Variants in RAD18 observed in about 807,000 individuals in gnomAD.
RAD18 encodes the protein E3 ubiquitin-protein ligase RAD18.
In RAD18, 47 loss-of-function variants were observed where a neutral mutation model predicts 60.4. The observed-to-expected ratio is 0.78, with a 90% CI of 0.62 to 0.99. The LOEUF (loss-of-function observed/expected upper bound fraction) is 0.99, where lower values mean the gene tolerates loss of function less well. Among genes scored for constraint, RAD18 ranks in the 50% least tolerant of loss-of-function variants. The pLI is 0.00. For synonymous variants in RAD18, 225 were observed against 195.5 expected (o/e 1.15, Z -1.26); for missense variants, 640 against 593.3 (o/e 1.08, Z -0.82).
intron 12 of RAD18, among the ~76,000 whole-genome samples, chr3:8,888,825 T>C (rs1240477750): frequency 6.6e-6 from 1 of 152,174 alleles, no homozygotes; most frequent in African/African-American, 2.4e-5. Context: ...ACTGAAATGA[T>C]AGGATTTGTT....
Position 8,879,981 on chromosome 3 carries a change from T to C in RAD18, c.*1376A>G, listed in dbSNP as rs893283447. On this transcript the variant is annotated 3_prime_UTR_variant, in exon 13 of 13. Transcript: ENST00000264926. ...CAACTCAGTGACATAAATATATCCA[T>C]GTGAGCTCCTATTTTGTTTGACATG... The C allele has an allele frequency of 2.6e-5, 4 of 152,248 alleles. No homozygotes were observed. Among genetic ancestry groups the C allele is most frequent in the African/African-American group, 9.6e-5 (4 of 41,470 alleles). 9.4% of individuals were successfully genotyped at this position (152,248 alleles called of 1,614,324 possible).
rs45531436 is a variant in RAD18 at position 8,919,968 on chromosome 3, T to C, written c.890-6248A>G. Among the ~76,000 whole-genome samples the C allele has an allele frequency of 9.8e-3, 1,495 of 152,304 alleles. 26 individuals carry two copies. Among genetic ancestry groups the C allele is most frequent in the African/African-American group, 0.033 (1,389 of 41,552 alleles). On this transcript the variant is annotated intron_variant, in intron 7 of 12. Coordinates refer to ENST00000264926, the MANE Select transcript of RAD18 (RefSeq NM_020165.4). ...TGAGTTAAAAATCTGTGAATCCATATTCATAAGAGACAAATAAGAAAATAA... is the reference window on the plus strand; with the variant it reads ...TGAGTTAAAAATCTGTGAATCCATACTCATAAGAGACAAATAAGAAAATAA...
chr3:8,957,342 T>C (rs1941030944), intron 2 of RAD18, among the ~76,000 whole-genome samples: 1 of 152,038 alleles, frequency 6.6e-6, no homozygotes, highest in Non-Finnish European at 1.5e-5. Flanking sequence ...TACATGGAAA[T>C]GCATTTAAAA....
At chr3:8,946,484 C>T (rs550517451) in intron 4 of RAD18, among the ~76,000 whole-genome samples, 10 of 152,328 alleles carry the variant, frequency 6.6e-5, no homozygotes, top group Admixed American at 4.6e-4. Context: ...TAAACCAGTA[C>T]GTCCTTCATA....
chr3:8,920,065 G>A lies in RAD18; in HGVS notation c.890-6345C>T, dbSNP rs150329970. ...TGGGAGGCCAAGGCAGACAGATCAC[G>A]AGGTCAGGAGATTGAGACCTTCCTG... On this transcript the variant is annotated intron_variant, in intron 7 of 12. Coordinates refer to ENST00000264926, the MANE Select transcript of RAD18 (RefSeq NM_020165.4). Among the ~76,000 whole-genome samples, 328 of 152,224 alleles carry A rather than the reference G, an allele frequency of 2.2e-3. 2 individuals carry two copies. Among genetic ancestry groups the A allele is most frequent in the African/African-American group, 6.3e-3 (263 of 41,550 alleles).
chr3:8,909,241 T>TA (rs1441711546), intron 9 of RAD18, among the ~76,000 whole-genome samples: 2 of 152,238 alleles, frequency 1.3e-5, no homozygotes, highest in East Asian at 3.9e-4. Context: ...CAGGTCCAGA[T>TA]ACAGGAAATA....
At chr3:8,928,172 C>T (rs971948035) in intron 7 of RAD18, among the ~76,000 whole-genome samples, 1 of 150,726 alleles carries the variant, frequency 6.6e-6, no homozygotes, top group African/African-American at 2.4e-5. Context: ...AGAACAATCA[C>T]CCCTACAAAA....
At chr3:8,956,882 T>TC (rs1347564461) in intron 2 of RAD18, among the ~76,000 whole-genome samples, 2 of 152,138 alleles carry the variant, frequency 1.3e-5, no homozygotes, top group Admixed American at 1.3e-4. Context: ...CTGAATGCTT[T>TC]CCCCAAAAAA....
Position 8,963,430 on chromosome 3 carries a change from G to A in RAD18, c.-45C>T, listed in dbSNP as rs1346150238. ...GGGGGTCAGCCACCCACTAGCCTCC[G>A]GCGCTCCAACACCACTCGAAATTCC... is the stretch of plus-strand genomic sequence containing the variant. On this transcript the variant is annotated 5_prime_UTR_variant, in exon 1 of 13. Coordinates refer to ENST00000264926, the MANE Select transcript of RAD18 (RefSeq NM_020165.4). 9 of 1,531,182 alleles carry A rather than the reference G, an allele frequency of 5.9e-6. No homozygotes were observed. The highest frequency in any genetic ancestry group is 2.4e-5 in the East Asian group (1 of 40,822). The allele number at this position is 1,531,182 out of a possible 1,614,324, so 94.8% of individuals were successfully genotyped here. A position where few individuals can be genotyped will look rare whatever the true frequency, so the allele number is the denominator to read the frequency against.
At chr3:8,883,507 T>C (rs183876455) in intron 12 of RAD18, among the ~76,000 whole-genome samples, 3 of 152,306 alleles carry the variant, frequency 2.0e-5, no homozygotes, top group Admixed American at 2.0e-4. Flanking sequence ...CTGGAACCAA[T>C]ATCATACAGA....
At position 8,913,685 on chromosome 3, in the gene RAD18, T is replaced by C. The variant is rs1299447497; in HGVS notation, c.925A>G (p.Lys309Glu). The change falls in exon 8 of 13, where the codon AAG becomes GAG. Residue 309 changes from lysine (K) to glutamate (E), a missense_variant. Physicochemically the swap from Lys to Glu is moderately conservative, Grantham distance 56 (BLOSUM62 1). Transcript: ENST00000264926. ...CTAGCTTCAAGACGCATCCTAGTCTTCTCTATATTTTCGATTTCTCGAACT... is the reference window on the plus strand; with the variant it reads ...CTAGCTTCAAGACGCATCCTAGTCTCCTCTATATTTTCGATTTCTCGAACT... ...EIVREIENIE[K>E]TRMRLEASKL... is the part of the protein sequence containing the mutation. 1.3e-6 allele frequency: 2 copies of C among 1,580,314 alleles called. No individual in the cohort carries two copies. The highest frequency in any genetic ancestry group is 4.5e-5 in the East Asian group (2 of 44,310).
chr3:8,960,146 A>C (rs1359569198), intron 1 of RAD18, among the ~76,000 whole-genome samples: 1 of 152,148 alleles, frequency 6.6e-6, no homozygotes, highest in Non-Finnish European at 1.5e-5. Context: ...ATGTCTATAA[A>C]AAATTTAAAA....
intron 7 of RAD18, among the ~76,000 whole-genome samples, chr3:8,930,567 A>T (rs1940535705): frequency 6.6e-6 from 1 of 152,214 alleles, no homozygotes; most frequent in Non-Finnish European, 1.5e-5. Flanking sequence ...TATTATATGA[A>T]TTATATTTCA....
At chr3:8,956,813 A>G (rs539239828) in intron 2 of RAD18, among the ~76,000 whole-genome samples, 118 of 151,940 alleles carry the variant, frequency 7.8e-4, no homozygotes, top group African/African-American at 2.8e-3. Flanking sequence ...TAGGTTTATG[A>G]AAACATATTA....
intron 9 of RAD18, among the ~76,000 whole-genome samples, chr3:8,906,371 C>A (rs1940001429): frequency 6.6e-6 from 1 of 152,052 alleles, no homozygotes; most frequent in Admixed American, 6.6e-5. Context: ...CAGCTATGAC[C>A]CTATTTTTTT....
intron 9 of RAD18, 28 bp downstream of exon 9, chr3:8,912,284 A>T: frequency 6.7e-7 from 1 of 1,485,050 alleles, no homozygotes; most frequent in Non-Finnish European, 9.1e-7. Flanking sequence ...GAAGCTCTTT[A>T]CAAATTAAAT....
chr3:8,904,663 T>C (rs969165433), intron 9 of RAD18, among the ~76,000 whole-genome samples: 2 of 152,168 alleles, frequency 1.3e-5, no homozygotes, highest in African/African-American at 2.4e-5. Context: ...TGAGGATAAT[T>C]ATCTTGTATT....
At chr3:8,934,726 C>T (rs1940620499) in intron 7 of RAD18, among the ~76,000 whole-genome samples, 1 of 152,082 alleles carries the variant, frequency 6.6e-6, no homozygotes, top group African/African-American at 2.4e-5. Flanking sequence ...ATATATATAT[C>T]CAACAGCAAC....
chr3:8,928,025 G>A (rs1270905184), intron 7 of RAD18, among the ~76,000 whole-genome samples: 9 of 145,234 alleles, frequency 6.2e-5, no homozygotes, highest in Non-Finnish European at 1.2e-4. Context: ...AAACCTGCAC[G>A]TTGTGCACAT....
Sources: allele counts gnomAD v4.1 joint callset (sites outside exome capture counted in the v4.1 genomes callset), GRCh38; gene constraint gnomAD v4.1.1; transcripts MANE v1.5; gene names NCBI Gene and HGNC (gene_info 2026-07-23, HGNC 2026-07-21).